Variants in DISC1 observed in about 807,000 individuals in gnomAD.
The protein encoded by DISC1 is disrupted in schizophrenia 1 protein.
DISC1 carries 57 observed loss-of-function variants against 84.5 expected under a neutral mutation model. The observed-to-expected ratio is 0.67, with a 90% confidence interval of 0.55 to 0.84. DISC1 has a LOEUF of 0.84. DISC1 is among the 40% of genes least tolerant of loss of function. The pLI, the probability that DISC1 is intolerant of heterozygous loss-of-function variation, is 0.00. For missense variants in DISC1, 1,000 were observed against 1,057.8 expected (o/e 0.95, Z 0.76); for synonymous variants, 411 against 415.2 (o/e 0.99, Z 0.12).
At chr1:231,764,115 C>T (rs915906066) in intron 4 of DISC1, among the ~76,000 whole-genome samples, 4 of 152,122 alleles carry the variant, frequency 2.6e-5, no homozygotes, top group East Asian at 1.9e-4. Flanking sequence ...GGAGATGCCA[C>T]GGAAGGAGGG....
rs1407906825 is a variant in DISC1, at chr1:232,040,823, A to G, written c.*3992A>G. 1 of 152,080 alleles carries G rather than the reference A, an allele frequency of 6.6e-6. No individual in the cohort carries two copies. 9.4% of individuals were successfully genotyped at this position (152,080 alleles called of 1,614,324 possible). A position where few individuals can be genotyped will look rare whatever the true frequency, so the allele number is the denominator to read the frequency against. ...AGGCATCAACAAACCTATTCACCCC[A>G]CCATCATCCTGATCTAACCATTCCC... On this transcript the variant is annotated 3_prime_UTR_variant, in exon 13 of 13. Coordinates refer to ENST00000439617, the MANE Select transcript of DISC1 (RefSeq NM_018662.3).
intron 12 of DISC1, among the ~76,000 whole-genome samples, chr1:232,028,926 C>T (rs534558107): frequency 2.6e-5 from 4 of 152,088 alleles, no homozygotes; most frequent in South Asian, 2.1e-4. Flanking sequence ...ACTTGACAGT[C>T]GAAAAAAACA....
rs557888907 is a variant in DISC1, at chr1:232,039,889, T to C, written c.*3058T>C. On this transcript the variant is annotated 3_prime_UTR_variant, in exon 13 of 13. Transcript: ENST00000439617. ...AAGTGTGATATTATACTGTCTGCCT[T>C]GCTGGAATGCTGGCTTTCAAATGGT... 6.6e-6 allele frequency: 1 copy of C among 152,348 alleles called. No individual in the cohort carries two copies. The highest frequency in any genetic ancestry group is 2.1e-4 in the South Asian group (1 of 4,826). 9.4% of individuals were successfully genotyped at this position (152,348 alleles called of 1,614,324 possible).
chr1:231,674,604 C>T (rs1244707075), intron 1 of DISC1, among the ~76,000 whole-genome samples: 1 of 152,218 alleles, frequency 6.6e-6, no homozygotes, highest in East Asian at 1.9e-4. Flanking sequence ...GCAGCCTCAG[C>T]TTGGTGATCT....
At chr1:231,926,347 C>A (rs200067375) in intron 9 of DISC1, among the ~76,000 whole-genome samples, 2 of 152,128 alleles carry the variant, frequency 1.3e-5, no homozygotes, top group Non-Finnish European at 2.9e-5. Flanking sequence ...AGTGTGTTAT[C>A]CATGTGTAAT....
intron 1 of DISC1, among the ~76,000 whole-genome samples, chr1:231,687,396 A>G (rs954915368): frequency 1.3e-5 from 2 of 152,168 alleles, no homozygotes; most frequent in African/African-American, 4.8e-5. Flanking sequence ...AAAATGAGGA[A>G]GAAGCAAAAG....
Position 231,958,523 on chromosome 1 carries a change from A to G in DISC1, c.1982-305A>G, listed in dbSNP as rs544853234. Among the ~76,000 whole-genome samples, 3 of 152,356 alleles carry G rather than the reference A, an allele frequency of 2.0e-5. No individual in the cohort carries two copies. The East Asian group carries it at 5.8e-4, about 29-fold the overall frequency. ...CTATCAGTTGGGAAAGGTAAGAGAT[A>G]GAGCACATGTCATCCAGTGATAGAC... On this transcript the variant is annotated intron_variant, in intron 9 of 12. Transcript: ENST00000439617.
chr1:231,827,496 C>G (rs1574111452), intron 9 of DISC1, among the ~76,000 whole-genome samples: 1 of 152,186 alleles, frequency 6.6e-6, no homozygotes, highest in African/African-American at 2.4e-5. Context: ...GTTATGGCTT[C>G]CTGTACACAT....
At chr1:231,863,120 G>A (rs1186842568) in intron 9 of DISC1, among the ~76,000 whole-genome samples, 1 of 151,116 alleles carries the variant, frequency 6.6e-6, no homozygotes, top group Non-Finnish European at 1.5e-5. Context: ...TTCAGCACGT[G>A]CATAGTTTGT....
At chr1:231,981,409 C>G (rs1311814893) in intron 10 of DISC1, among the ~76,000 whole-genome samples, 5 of 152,156 alleles carry the variant, frequency 3.3e-5, no homozygotes, top group South Asian at 2.1e-4. Flanking sequence ...GTAGACTGCT[C>G]TAGTAGAACA....
chr1:231,783,992 A>G (rs983697790), intron 6 of DISC1, among the ~76,000 whole-genome samples: 36 of 152,188 alleles, frequency 2.4e-4, no homozygotes, highest in Admixed American at 1.3e-4. Context: ...GGCCGGGCAC[A>G]GTGGCTCACG....
chr1:231,635,099 C>T (rs1304482364), intron 1 of DISC1, among the ~76,000 whole-genome samples: 1 of 152,038 alleles, frequency 6.6e-6, no homozygotes, highest in East Asian at 1.9e-4. Context: ...AGTTCTGATA[C>T]TGGATTATGT....
intron 9 of DISC1, among the ~76,000 whole-genome samples, chr1:231,844,413 G>T: frequency 6.6e-6 from 1 of 152,132 alleles, no homozygotes; most frequent in East Asian, 1.9e-4. Context: ...CCCCCTCCAG[G>T]TGCGCCACCT....
intron 9 of DISC1, chr1:231,866,451 A>G (rs534216749): frequency 2.6e-6 from 2 of 760,436 alleles, no homozygotes; most frequent in African/African-American, 1.7e-5. Context: ...ATAATGACCA[A>G]CAGCTAACAC....
chr1:231,685,543 C>T (rs916542676), intron 1 of DISC1, among the ~76,000 whole-genome samples: 1 of 152,088 alleles, frequency 6.6e-6, no homozygotes, highest in Non-Finnish European at 1.5e-5. Context: ...ACCTCTGCCT[C>T]CTGGGTTCAA....
intron 8 of DISC1, among the ~76,000 whole-genome samples, chr1:231,800,756 T>A (rs982444688): frequency 6.6e-6 from 1 of 152,150 alleles, no homozygotes; most frequent in Admixed American, 6.6e-5. Context: ...CTGGATTTGT[T>A]ATTTTATTTT....
At chr1:231,880,998 G>T (rs1226995140) in intron 9 of DISC1, among the ~76,000 whole-genome samples, 7 of 152,228 alleles carry the variant, frequency 4.6e-5, no homozygotes, top group African/African-American at 1.7e-4. Context: ...CTCTGAGGAA[G>T]GGGTTGGAGC....
At chr1:231,708,345 T>C (rs1237347467) in intron 3 of DISC1, among the ~76,000 whole-genome samples, 3 of 152,220 alleles carry the variant, frequency 2.0e-5, no homozygotes, top group Non-Finnish European at 4.4e-5. Flanking sequence ...CCTGACTCCA[T>C]GGACATCAGA....
Position 232,009,079 on chromosome 1 carries a change from G to A in DISC1, c.2307+30G>A, listed in dbSNP as rs1243672001. On this transcript the variant is annotated intron_variant, in intron 11 of 12. Transcript: ENST00000439617. The surrounding 1 kb of genome is among the most constrained non-coding windows in gnomAD (Gnocchi z 4.6). ...GTCCTTTTCACATGGCCTCCAGAGGGGACCCTTATTCTAAGGGGTGCTTTG... is the reference window on the plus strand; with the variant it reads ...GTCCTTTTCACATGGCCTCCAGAGGAGACCCTTATTCTAAGGGGTGCTTTG... 6.2e-7 allele frequency: 1 copy of A among 1,613,340 alleles called. No homozygotes were observed. The highest frequency in any genetic ancestry group is 2.2e-5 in the East Asian group (1 of 44,844).
Sources: allele counts gnomAD v4.1 joint callset (sites outside exome capture counted in the v4.1 genomes callset), GRCh38; gene constraint gnomAD v4.1.1; non-coding constraint Gnocchi (gnomAD v3.1); transcripts MANE v1.5; gene names NCBI Gene and HGNC (gene_info 2026-07-23, HGNC 2026-07-21).